The following CLDN3 variants were observed in gnomAD, a reference collection of about 807,000 sequenced individuals.
CLDN3 encodes claudin 3.
CLDN3 carries 6 observed loss-of-function variants against 16.3 expected under a neutral mutation model. The observed-to-expected ratio is 0.37, with a 90% CI of 0.20 to 0.73. The LOEUF (loss-of-function observed/expected upper bound fraction) is 0.73, where lower values mean the gene tolerates loss of function less well. Ranked by LOEUF, CLDN3 falls within the 30% of genes least tolerant of loss-of-function variation. The probability of loss-of-function intolerance (pLI) is 0.52; values close to 1 mark genes in which losing one functional copy is unlikely to be tolerated. For synonymous variants in CLDN3, 145 were observed against 150.1 expected, an observed-to-expected ratio of 0.97 and a Z score of 0.25; for missense variants, 248 against 305.2, an observed-to-expected ratio of 0.81 and a Z score of 1.40.
rs1554626568 is a variant in CLDN3, at chr7:73,769,309, T to C, written c.*78A>G. 3 of 1,522,996 alleles carry C rather than the reference T, an allele frequency of 2.0e-6. No individual in the cohort carries two copies. The allele number at this position is 1,522,996 out of a possible 1,614,324, so 94.3% of individuals were successfully genotyped here. On this transcript the variant is annotated 3_prime_UTR_variant, in exon 1 of 1. Transcript: ENST00000395145. ...AGGCAAGGCTGCACGCTGGATGGCC[T>C]GGTGCGCGCTCCAGCTCGCGGTGGT...
rs1787024621 is a variant in CLDN3, at chr7:73,770,065, G to A, written c.-16C>T. 4 of 1,503,842 alleles carry A rather than the reference G, an allele frequency of 2.7e-6. No individual in the cohort carries two copies. Among genetic ancestry groups the A allele is most frequent in the South Asian group, 2.6e-5 (2 of 77,244 alleles). The allele number at this position is 1,503,842 out of a possible 1,614,324, so 93.2% of individuals were successfully genotyped here. ...CCATGGACATGGCTGCCGCGGCAAG[G>A]CCCGCTCCACCGGGTGGCTCCGGGT... On this transcript the variant is annotated 5_prime_UTR_variant, in exon 1 of 1. Transcript: ENST00000395145. The surrounding 1 kb of genome is among the most constrained non-coding windows in gnomAD (Gnocchi z 5.7).
Position 73,769,795 on chromosome 7 carries a change from C to A in CLDN3, c.255G>T (p.Val85=). Residue 85 remains valine (V), a synonymous_variant, in exon 1 of 1, where the codon GTG becomes GTT. Coordinates refer to ENST00000395145, the MANE Select transcript of CLDN3 (RefSeq NM_001306.4). The part of the protein sequence containing the change: ...DLQAARALIV[V]AILLAAFGLL... ...GCCCGAAGGCGGCCAGCAGGATGGC[C>A]ACCACGATGAGGGCGCGGGCCGCCT... The A allele has an allele frequency of 6.2e-7, 1 of 1,611,994 alleles. No homozygotes were observed. Among genetic ancestry groups the A allele is most frequent in the Non-Finnish European group, 8.5e-7 (1 of 1,179,440 alleles).
chr7:73,769,603 G>A lies in CLDN3; in HGVS notation c.447C>T (p.Pro149=). Reference sequence around the variant, plus strand: ...CGCGCTTCTGCGCCTCGGGCACCACGGGGTTGTAGAAGTCCCGGATAATGG... The same window carrying A: ...CGCGCTTCTGCGCCTCGGGCACCACAGGGTTGTAGAAGTCCCGGATAATGG... ...ANTIIRDFYN[P]VVPEAQKREM... is the part of the protein sequence containing the mutation. The change falls in exon 1 of 1, where the codon CCC becomes CCT. Residue 149 remains proline (P), a synonymous_variant. Coordinates refer to ENST00000395145, the MANE Select transcript of CLDN3 (RefSeq NM_001306.4). 6.2e-7 allele frequency: 1 copy of A among 1,610,768 alleles called. No homozygotes were observed. The highest frequency in any genetic ancestry group is 8.5e-7 in the Non-Finnish European group (1 of 1,178,564).
chr7:73,769,441 G>A lies in CLDN3; in HGVS notation c.609C>T (p.Ser203=), dbSNP rs1787009389. ...ATKVVYSAPR[S]TGPGASLGTG... is the part of the protein sequence containing the mutation. ...TGCCCAGGCTGGCTCCCGGGCCGGTGGAGCGCGGCGCGGAGTAGACGACCT... is the reference window on the plus strand; with the variant it reads ...TGCCCAGGCTGGCTCCCGGGCCGGTAGAGCGCGGCGCGGAGTAGACGACCT... The change falls in exon 1 of 1, where the codon TCC becomes TCT. Residue 203 remains serine (S), a synonymous_variant. Transcript: ENST00000395145. 6.2e-7 allele frequency: 1 copy of A among 1,604,926 alleles called. No individual in the cohort carries two copies. The highest frequency in any genetic ancestry group is 1.7e-5 in the Admixed American group (1 of 59,958).
In CLDN3 at chr7:73,770,054, G is replaced by A; in HGVS notation, c.-5C>T. Reference sequence around the variant, plus strand: ...GATCTCCAGGCCCATGGACATGGCTGCCGCGGCAAGGCCCGCTCCACCGGG... The same window carrying A: ...GATCTCCAGGCCCATGGACATGGCTACCGCGGCAAGGCCCGCTCCACCGGG... On this transcript the variant is annotated 5_prime_UTR_variant, in exon 1 of 1. Coordinates refer to ENST00000395145, the MANE Select transcript of CLDN3 (RefSeq NM_001306.4). This position sits in a 1 kb window ranked among gnomAD's most constrained non-coding sequence, Gnocchi z 5.7. The A allele has an allele frequency of 1.3e-6, 2 of 1,530,306 alleles. No individual in the cohort carries two copies. Among genetic ancestry groups the A allele is most frequent in the African/African-American group, 2.8e-5 (2 of 71,672 alleles). The allele number at this position is 1,530,306 out of a possible 1,614,324, so 94.8% of individuals were successfully genotyped here.
chr7:73,769,439 G>A lies in CLDN3; in HGVS notation c.611C>T (p.Thr204Ile). 6.2e-7 allele frequency: 1 copy of A among 1,604,832 alleles called. No homozygotes were observed. Among genetic ancestry groups the A allele is most frequent in the Non-Finnish European group, 8.5e-7 (1 of 1,179,690 alleles). Residue 204 changes from threonine (T) to isoleucine (I), a missense_variant, in exon 1 of 1, where the codon ACC (threonine) becomes ATC (isoleucine). By Grantham distance (89) the Thr-to-Ile change is moderately conservative. Coordinates refer to ENST00000395145, the MANE Select transcript of CLDN3 (RefSeq NM_001306.4). ...TKVVYSAPRS[T>I]GPGASLGTGY... is the part of the protein sequence containing the mutation. ...TGTGCCCAGGCTGGCTCCCGGGCCG[G>A]TGGAGCGCGGCGCGGAGTAGACGAC...
In CLDN3 at chr7:73,769,404, G is replaced by C. The variant is rs782652592; in HGVS notation, c.646C>G (p.Arg216Gly). 6.3e-7 allele frequency: 1 copy of C among 1,599,252 alleles called. No individual in the cohort carries two copies. The highest frequency in any genetic ancestry group is 8.5e-7 in the Non-Finnish European group (1 of 1,178,978). Residue 216 changes from arginine (R) to glycine (G), a missense_variant, in exon 1 of 1, where the codon CGC becomes GGC. Transcript: ENST00000395145. ...TCTGTCCCTTAGACGTAGTCCTTGC[G>C]GTCGTAGCCTGTGCCCAGGCTGGCT... Reference protein sequence around the residue: ...PGASLGTGYDRKDYV With the variant: ...PGASLGTGYDGKDYV
At position 73,769,864 on chromosome 7, in the gene CLDN3, C is replaced by G; in HGVS notation, c.186G>C (p.Gln62His). 6 of 1,612,856 alleles carry G rather than the reference C, an allele frequency of 3.7e-6. No homozygotes were observed. The highest frequency in any genetic ancestry group is 5.1e-6 in the Non-Finnish European group (6 of 1,179,970). ...CCAGCAGCGAGTCGTACACCTTGCACTGCATCTGGCCGGTGCTCTGCACCA... is the reference window on the plus strand; with the variant it reads ...CCAGCAGCGAGTCGTACACCTTGCAGTGCATCTGGCCGGTGCTCTGCACCA... Reference protein sequence around the residue: ...NCVVQSTGQMQCKVYDSLLAL... With the variant: ...NCVVQSTGQMHCKVYDSLLAL... Residue 62 changes from glutamine (Q) to histidine (H), a missense_variant, in exon 1 of 1, where the codon CAG becomes CAC. Gln to His is a conservative substitution (Grantham distance 24). Transcript: ENST00000395145.
Position 73,769,194 on chromosome 7 carries a change from A to T in CLDN3, c.*193T>A. 7.2e-7 allele frequency: 1 copy of T among 1,397,772 alleles called. No individual in the cohort carries two copies. Among genetic ancestry groups the T allele is most frequent in the South Asian group, 1.5e-5 (1 of 66,208 alleles). 86.6% of individuals were successfully genotyped at this position (1,397,772 alleles called of 1,614,324 possible). ...GGTTGGTCCCTGGGCCCCGAAGTCG[A>T]CTGCCCGGCCCGCAAAGCCGTGGCT... On this transcript the variant is annotated 3_prime_UTR_variant, in exon 1 of 1. Coordinates refer to ENST00000395145, the MANE Select transcript of CLDN3 (RefSeq NM_001306.4).
rs781839676 is a variant in CLDN3 at position 73,769,537 on chromosome 7, C to T, written c.513G>A (p.Ala171=). ...GCAGCGCGCCCCCCAGCAGCTGCAG[C>T]GCCGCGGCCGCCCAGCCCACGTACA... is the stretch of plus-strand genomic sequence containing the variant. The part of the protein sequence containing the change: ...AGLYVGWAAA[A]LQLLGGALLC... The change falls in exon 1 of 1, where the codon GCG becomes GCA. Residue 171 remains alanine (A), a synonymous_variant. Transcript: ENST00000395145. The T allele has an allele frequency of 1.9e-6, 3 of 1,601,954 alleles. No individual in the cohort carries two copies. Among genetic ancestry groups the T allele is most frequent in the East Asian group, 2.2e-5 (1 of 44,690 alleles).
chr7:73,769,626 T>G lies in CLDN3; in HGVS notation c.424A>C (p.Ile142Leu). The G allele has an allele frequency of 6.2e-7, 1 of 1,612,796 alleles. No individual in the cohort carries two copies. The highest frequency in any genetic ancestry group is 8.5e-7 in the Non-Finnish European group (1 of 1,179,716). The stretch of plus-strand genomic sequence containing the variant: ...ACGGGGTTGTAGAAGTCCCGGATAA[T>G]GGTGTTGGCCGACCAGGACACCGGC... ...LVPVSWSANT[I>L]IRDFYNPVVP... The change falls in exon 1 of 1, where the codon ATT (isoleucine) becomes CTT (leucine). Residue 142 changes from isoleucine to leucine, a missense_variant. By Grantham distance (5) the Ile-to-Leu change is conservative. Coordinates refer to ENST00000395145, the MANE Select transcript of CLDN3 (RefSeq NM_001306.4).
chr7:73,769,204 C>T lies in CLDN3; in HGVS notation c.*183G>A, dbSNP rs1787002326. 4.2e-6 allele frequency: 6 copies of T among 1,412,836 alleles called. No homozygotes were observed. In the African/African-American group the frequency reaches 4.4e-5, roughly 10 times the overall value. The allele number at this position is 1,412,836 out of a possible 1,614,324, so 87.5% of individuals were successfully genotyped here. A position where few individuals can be genotyped will look rare whatever the true frequency, so the allele number is the denominator to read the frequency against. Reference sequence around the variant, plus strand: ...TGGGCCCCGAAGTCGACTGCCCGGCCCGCAAAGCCGTGGCTGCTGGGGAAG... The same window carrying T: ...TGGGCCCCGAAGTCGACTGCCCGGCTCGCAAAGCCGTGGCTGCTGGGGAAG... On this transcript the variant is annotated 3_prime_UTR_variant, in exon 1 of 1. Transcript: ENST00000395145.
chr7:73,769,453 G>T lies in CLDN3; in HGVS notation c.597C>A (p.Ser199=). The change falls in exon 1 of 1, where the codon TCC becomes TCA. Residue 199 remains serine (S), a synonymous_variant. Transcript: ENST00000395145. ...CTCCCGGGCCGGTGGAGCGCGGCGCGGAGTAGACGACCTTGGTGGCCGTGT... is the reference window on the plus strand; with the variant it reads ...CTCCCGGGCCGGTGGAGCGCGGCGCTGAGTAGACGACCTTGGTGGCCGTGT... ...KKYTATKVVY[S]APRSTGPGAS... The T allele has an allele frequency of 2.5e-6, 4 of 1,606,558 alleles. No individual in the cohort carries two copies. The highest frequency in any genetic ancestry group is 3.4e-6 in the Non-Finnish European group (4 of 1,179,714).
Position 73,769,519 on chromosome 7 carries a change from G to T in CLDN3, c.531C>A (p.Gly177=), listed in dbSNP as rs143115532. ...GGGGACACGAGCAGCAGAGCAGCGC[G>T]CCCCCCAGCAGCTGCAGCGCCGCGG... is the stretch of plus-strand genomic sequence containing the variant. ...WAAAALQLLG[G]ALLCCSCPPR... is the part of the protein sequence containing the mutation. The change falls in exon 1 of 1, where the codon GGC becomes GGA. Residue 177 remains glycine, a synonymous_variant. Transcript: ENST00000395145. The T allele has an allele frequency of 1.3e-4, 215 of 1,607,056 alleles. No individual in the cohort carries two copies. The African/African-American group carries it at 2.6e-3, about 20-fold the overall frequency.
In CLDN3 at chr7:73,769,984, C is replaced by T. The variant is rs1787022271; in HGVS notation, c.66G>A (p.Val22=). 6.2e-7 allele frequency: 1 copy of T among 1,612,954 alleles called. No individual in the cohort carries two copies. The highest frequency in any genetic ancestry group is 1.3e-5 in the African/African-American group (1 of 75,044). Residue 22 remains valine, a synonymous_variant, in exon 1 of 1, where the codon GTG becomes GTA. Coordinates refer to ENST00000395145, the MANE Select transcript of CLDN3 (RefSeq NM_001306.4). ...LAVLGWLGTI[V]CCALPMWRVS... is the part of the protein sequence containing the mutation. ...CGCGCCACATGGGCAACGCGCAGCACACGATGGTGCCCAGCCAGCCCAGCA... is the reference window on the plus strand; with the variant it reads ...CGCGCCACATGGGCAACGCGCAGCATACGATGGTGCCCAGCCAGCCCAGCA...
In CLDN3 at chr7:73,769,780, G is replaced by C. The variant is rs113463444; in HGVS notation, c.270C>G (p.Ala90=). 61 of 1,611,606 alleles carry C rather than the reference G, an allele frequency of 3.8e-5. 1 individual carries two copies. In the African/African-American group the frequency reaches 4.5e-4, roughly 12 times the overall value. ...RALIVVAILL[A]AFGLLVALVG... is the part of the protein sequence containing the mutation. ...CCAGCGCCACTAGCAGCCCGAAGGC[G>C]GCCAGCAGGATGGCCACCACGATGA... Residue 90 remains alanine (A), a synonymous_variant, in exon 1 of 1, where the codon GCC becomes GCG. Transcript: ENST00000395145.
At position 73,769,771 on chromosome 7, in the gene CLDN3, C is replaced by A; in HGVS notation, c.279G>T (p.Gly93=). The change falls in exon 1 of 1, where the codon GGG becomes GGT. Residue 93 remains glycine, a synonymous_variant. Coordinates refer to ENST00000395145, the MANE Select transcript of CLDN3 (RefSeq NM_001306.4). The part of the protein sequence containing the change: ...IVVAILLAAF[G]LLVALVGAQC... Reference sequence around the variant, plus strand: ...GGGCGCCCACCAGCGCCACTAGCAGCCCGAAGGCGGCCAGCAGGATGGCCA... The same window carrying A: ...GGGCGCCCACCAGCGCCACTAGCAGACCGAAGGCGGCCAGCAGGATGGCCA... The A allele has an allele frequency of 6.2e-7, 1 of 1,611,308 alleles. No individual in the cohort carries two copies. The highest frequency in any genetic ancestry group is 8.5e-7 in the Non-Finnish European group (1 of 1,178,952).
In CLDN3 at chr7:73,770,164, G is replaced by C. The variant is rs1787030132; in HGVS notation, c.-115C>G. 7.4e-7 allele frequency: 1 copy of C among 1,355,392 alleles called. No individual in the cohort carries two copies. Among genetic ancestry groups the C allele is most frequent in the Admixed American group, 3.8e-5 (1 of 26,036 alleles). 84.0% of individuals were successfully genotyped at this position (1,355,392 alleles called of 1,614,324 possible). The stretch of plus-strand genomic sequence containing the variant: ...GCCCCGACGGACGGACGGACGGACG[G>C]ACTGACTCACCGACGGCGCGCGCTA... On this transcript the variant is annotated 5_prime_UTR_variant, in exon 1 of 1. Transcript: ENST00000395145. This position sits in a 1 kb window ranked among gnomAD's most constrained non-coding sequence, Gnocchi z 5.7.
At position 73,769,087 on chromosome 7, in the gene CLDN3, G is replaced by T; in HGVS notation, c.*300C>A. The T allele has an allele frequency of 3.4e-6, 2 of 583,518 alleles. No individual in the cohort carries two copies. The highest frequency in any genetic ancestry group is 4.8e-4 in the Middle Eastern group (1 of 2,066). The allele number at this position is 583,518 out of a possible 1,614,324, so 36.1% of individuals were successfully genotyped here. A position where few individuals can be genotyped will look rare whatever the true frequency, so the allele number is the denominator to read the frequency against. ...AGCGCGAGCATGGGGGCAGCGGCCC[G>T]ATGGGGCTCGACGGGGTGGTCAAGT... On this transcript the variant is annotated 3_prime_UTR_variant, in exon 1 of 1. Coordinates refer to ENST00000395145, the MANE Select transcript of CLDN3 (RefSeq NM_001306.4).
Sources: allele counts gnomAD v4.1 joint callset, GRCh38; gene constraint gnomAD v4.1.1; non-coding constraint Gnocchi (gnomAD v3.1); transcripts MANE v1.5; gene names NCBI Gene and HGNC (gene_info 2026-07-23, HGNC 2026-07-21).